Variants in MRNIP observed in about 807,000 individuals in gnomAD.
MRNIP encodes MRN complex interacting protein.
Under a neutral mutation model 29.8 loss-of-function variants are expected in MRNIP, and 30 were observed. That is an observed-to-expected ratio of 1.01 (90% CI 0.75 to 1.36). MRNIP has a LOEUF of 1.36. Ranked by LOEUF, MRNIP falls within the 40% of genes most tolerant of loss-of-function variation. The probability of loss-of-function intolerance (pLI) is 0.00; values close to 1 mark genes in which losing one functional copy is unlikely to be tolerated. For missense variants in MRNIP, 459 were observed against 423.5 expected (o/e 1.08, Z -0.74); for synonymous variants, 201 against 164.1 (o/e 1.23, Z -1.72).
Position 179,837,625 on chromosome 5 carries a change from G to A in MRNIP, c.798C>T (p.Thr266=). 6.2e-7 allele frequency: 1 copy of A among 1,614,194 alleles called. No individual in the cohort carries two copies. The highest frequency in any genetic ancestry group is 8.5e-7 in the Non-Finnish European group (1 of 1,180,042). The part of the protein sequence containing the change: ...PAGPAQAKQG[T]PRAQASREGL... ...CTTCTCTTGAGGCCTGTGCTCTGGGGGTCCCTTGCTTAGCCTGTGCTGGAC... is the reference window on the plus strand; with the variant it reads ...CTTCTCTTGAGGCCTGTGCTCTGGGAGTCCCTTGCTTAGCCTGTGCTGGAC... The change falls in exon 7 of 7, where the codon ACC becomes ACT. Residue 266 remains threonine, a synonymous_variant. Transcript: ENST00000292586.
chr5:179,839,811 T>C (rs1758797362), intron 6 of MRNIP: 2 of 152,338 alleles, frequency 1.3e-5, no homozygotes, highest in Non-Finnish European at 2.9e-5. Context: ...GGATATGCGG[T>C]GGGGCCTGCT....
rs187105118 is a variant in MRNIP, at chr5:179,853,539, C to T, written c.67-102G>A. ...TGCCTGTAATCCCCCTTTGGGAGGCCGAGGCGGGCAGATCACAAGGTCAGG... is the reference window on the plus strand; with the variant it reads ...TGCCTGTAATCCCCCTTTGGGAGGCTGAGGCGGGCAGATCACAAGGTCAGG... On this transcript the variant is annotated intron_variant, in intron 1 of 6. Transcript: ENST00000292586. 524 of 880,754 alleles carry T rather than the reference C, an allele frequency of 5.9e-4. 2 individuals carry two copies. In the African/African-American group the frequency reaches 6.7e-3, roughly 11 times the overall value. 54.6% of individuals were successfully genotyped at this position (880,754 alleles called of 1,614,324 possible).
rs979653103 is a variant in MRNIP, at chr5:179,841,897, C to T, written c.449+10G>A. The stretch of plus-strand genomic sequence containing the variant: ...CTGGGCCAGGGCTGGAACGGAGACG[C>T]ACTTGGTACCTTTTTCTAGGCAGGT... On this transcript the variant is annotated intron_variant, in intron 5 of 6. Transcript: ENST00000292586. The T allele has an allele frequency of 1.1e-5, 17 of 1,613,036 alleles. No individual in the cohort carries two copies. Among genetic ancestry groups the T allele is most frequent in the Non-Finnish European group, 1.4e-5 (17 of 1,179,854 alleles).
At chr5:179,843,041 A>AGGAGGAAAGAAG (rs1554093092) in intron 4 of MRNIP, among the ~76,000 whole-genome samples, 4 of 106,200 alleles carry the variant, frequency 3.8e-5, no homozygotes, top group Non-Finnish European at 5.3e-5. Flanking sequence ...AAAGGAGGAA[A>AGGAGGAAAGAAG]GAAGGAAGGA....
At chr5:179,846,494 G>C (rs1298996240) in intron 3 of MRNIP, among the ~76,000 whole-genome samples, 1 of 152,010 alleles carries the variant, frequency 6.6e-6, no homozygotes, top group Non-Finnish European at 1.5e-5. Flanking sequence ...TATTGGCCAG[G>C]ATGGTCTCGA....
chr5:179,845,759 G>A (rs1210175400), intron 3 of MRNIP: 1 of 151,110 alleles, frequency 6.6e-6, no homozygotes, highest in Non-Finnish European at 1.5e-5. Flanking sequence ...GCCTCCCAAA[G>A]TGCTGGGATT....
chr5:179,844,574 CACT>C (rs1189800307), intron 3 of MRNIP, among the ~76,000 whole-genome samples: 3 of 152,214 alleles, frequency 2.0e-5, no homozygotes, highest in African/African-American at 7.2e-5. Context: ...AGGCACGCAC[CACT>C]ACGCCTGCCC....
chr5:179,853,425 C>T lies in MRNIP; in HGVS notation c.79G>A (p.Val27Ile), dbSNP rs576873253. Reference protein sequence around the residue: ...LFQAHQVKKSVKWTCKACGEK... With the variant: ...LFQAHQVKKSIKWTCKACGEK... ...CCACAAGCTTTGCATGTCCACTTGA[C>T]ACTCTTTTTTACCTGCAATGAAATT... is the stretch of plus-strand genomic sequence containing the variant. Residue 27 changes from valine to isoleucine, a missense_variant, in exon 2 of 7, where the codon GTC (valine) becomes ATC (isoleucine). Transcript: ENST00000292586. 7.0e-5 allele frequency: 112 copies of T among 1,611,268 alleles called. 2 individuals are homozygous for T. The South Asian group carries it at 1.2e-3, about 17-fold the overall frequency.
intron 3 of MRNIP, among the ~76,000 whole-genome samples, chr5:179,846,848 T>A (rs548782675): frequency 6.6e-6 from 1 of 152,206 alleles, no homozygotes; most frequent in African/African-American, 2.4e-5. Context: ...ACCGAGGGTG[T>A]AGTCCTCCGG....
intron 2 of MRNIP, among the ~76,000 whole-genome samples, chr5:179,848,653 T>A (rs1759226742): frequency 6.6e-6 from 1 of 152,082 alleles, no homozygotes; most frequent in Non-Finnish European, 1.5e-5. Flanking sequence ...ATATAACCTA[T>A]CAGATGCTAG....
intron 1 of MRNIP, 59 bp downstream of exon 1, chr5:179,858,672 C>T: frequency 8.8e-7 from 1 of 1,141,776 alleles, no homozygotes; most frequent in Non-Finnish European, 1.2e-6. Flanking sequence ...ACAGCCCCGC[C>T]ACTCCCCGTC....
chr5:179,843,249 G>A (rs1042151044), intron 4 of MRNIP, among the ~76,000 whole-genome samples: 1 of 152,038 alleles, frequency 6.6e-6, no homozygotes, highest in Non-Finnish European at 1.5e-5. Context: ...GACAGAGAGG[G>A]ACCCTGTCTC....
rs544607003 is a variant in MRNIP, at chr5:179,848,216, C to T, written c.127-150G>A. The T allele has an allele frequency of 5.8e-4, 381 of 657,434 alleles. 2 individuals are homozygous for T. Among genetic ancestry groups the T allele is most frequent in the Non-Finnish European group, 8.9e-4 (324 of 363,870 alleles). The allele number at this position is 657,434 out of a possible 1,614,324, so 40.7% of individuals were successfully genotyped here. A position where few individuals can be genotyped will look rare whatever the true frequency, so the allele number is the denominator to read the frequency against. The stretch of plus-strand genomic sequence containing the variant: ...AGCATGCAGGAATCCTAATGACTGA[C>T]GGCTGTCTCTAGAATGATTTACAAA... On this transcript the variant is annotated intron_variant, in intron 2 of 6. Coordinates refer to ENST00000292586, the MANE Select transcript of MRNIP (RefSeq NM_016175.4).
rs112467347 is a variant in MRNIP, at chr5:179,840,940, C to T, written c.469G>A (p.Val157Ile). The change falls in exon 6 of 7, where the codon GTC (valine) becomes ATC (isoleucine). Residue 157 changes from valine to isoleucine, a missense_variant. Coordinates refer to ENST00000292586, the MANE Select transcript of MRNIP (RefSeq NM_016175.4). ...PRKRKWSRST[V>I]QPPCSRGVQD... The stretch of plus-strand genomic sequence containing the variant: ...ACGCCACGGCTGCACGGAGGCTGGA[C>T]GGTGCTCCTGCTCCACTTCCTGTCA... 45 of 1,608,478 alleles carry T rather than the reference C, an allele frequency of 2.8e-5. No individual in the cohort carries two copies. Among genetic ancestry groups the T allele is most frequent in the Non-Finnish European group, 3.5e-5 (41 of 1,177,742 alleles).
chr5:179,840,783 G>A (rs248247), intron 6 of MRNIP, 89 bp downstream of exon 6: 348,779 of 999,016 alleles, frequency 0.35, 63,339 homozygotes, highest in East Asian at 0.44. Context: ...GGTAGGAATC[G>A]CACACTTCGT....
At chr5:179,843,382 T>C (rs1758995195) in intron 4 of MRNIP, among the ~76,000 whole-genome samples, 1 of 149,774 alleles carries the variant, frequency 6.7e-6, no homozygotes, top group South Asian at 2.1e-4. Context: ...ATTAAGTCTG[T>C]AAATGGACTG....
At chr5:179,858,025 AAAG>A (rs113834707) in intron 1 of MRNIP, among the ~76,000 whole-genome samples, 53,418 of 142,796 alleles carry the variant, frequency 0.37, 10,734 homozygotes, top group East Asian at 0.75. Context: ...AAAAAAAAAA[AAAG>A]AAGAAGAAGT....
chr5:179,853,317 C>T (rs1759447674), intron 2 of MRNIP, 61 bp downstream of exon 2: 2 of 1,600,732 alleles, frequency 1.2e-6, no homozygotes, highest in Non-Finnish European at 1.7e-6. Flanking sequence ...CATGCTGGGA[C>T]TCCCTGGAAG....
intron 3 of MRNIP, chr5:179,847,197 T>C (rs1313744069): frequency 1.4e-5 from 2 of 143,270 alleles, no homozygotes; most frequent in African/African-American, 5.2e-5. Flanking sequence ...TGAGATAGTC[T>C]CGTTCTGTCG....
Sources: gnomAD v4.1 joint callset for allele counts (sites outside exome capture counted in the v4.1 genomes callset) on GRCh38, gnomAD v4.1.1 for gene constraint, MANE v1.5 for transcripts, NCBI Gene and HGNC (gene_info 2026-07-23, HGNC 2026-07-21) for gene names.